DEPDC5: variants seen among roughly 807,000 people sequenced by gnomAD.
The protein encoded by DEPDC5 is DEP domain containing 5, GATOR1 subcomplex subunit.
DEPDC5 carries 73 observed loss-of-function variants against 217.3 expected under a neutral mutation model. The observed-to-expected ratio is 0.34, with a 90% CI of 0.28 to 0.41. The LOEUF is 0.41. Ranked by LOEUF, DEPDC5 falls within the 10% of genes least tolerant of loss-of-function variation. The pLI is 1.00. For synonymous variants in DEPDC5, 733 were observed against 756.7 expected, an observed-to-expected ratio of 0.97 and a Z score of 0.51; for missense variants, 1,675 against 2,070.1, an observed-to-expected ratio of 0.81 and a Z score of 3.70.
At chr22:31,843,279 G>A in intron 28 of DEPDC5, 67 bp downstream of exon 28, 2 of 1,460,082 alleles carry the variant, frequency 1.4e-6, no homozygotes, top group Non-Finnish European at 1.9e-6. Flanking sequence ...TAAATTGTGT[G>A]TATAGTACAT....
intron 20 of DEPDC5, among the ~76,000 whole-genome samples, chr22:31,812,672 C>T (rs2088551969): frequency 1.4e-5 from 2 of 148,060 alleles, no homozygotes; most frequent in African/African-American, 4.9e-5. Context: ...GATACGCACA[C>T]CTCAGCCTCC....
chr22:31,835,231 G>T (rs79492124), intron 25 of DEPDC5, among the ~76,000 whole-genome samples: 2,586 of 152,310 alleles, frequency 0.017, 79 homozygotes, highest in African/African-American at 0.06. Context: ...ATGGTTGGCA[G>T]ATTGACTATT....
chr22:31,897,388 G>A, intron 39 of DEPDC5, 94 bp from the exon 40 acceptor site: 2 of 1,473,500 alleles, frequency 1.4e-6, no homozygotes, highest in Non-Finnish European at 1.8e-6. Flanking sequence ...CAATATGCAT[G>A]CTGCCTTTCT....
chr22:31,755,083 C>T, intron 2 of DEPDC5, 104 bp downstream of exon 2: 1 of 1,351,892 alleles, frequency 7.4e-7, no homozygotes, highest in Non-Finnish European at 1.0e-6. Context: ...TGAGGCTAAA[C>T]AGGCGACTAA....
intron 7 of DEPDC5, among the ~76,000 whole-genome samples, chr22:31,776,651 A>G (rs2083889047): frequency 7.7e-6 from 1 of 129,566 alleles, no homozygotes; most frequent in African/African-American, 3.0e-5. Flanking sequence ...ATCTTGGCTT[A>G]CTGCAATCTC....
At chr22:31,831,579 A>G (rs1182494482) in intron 24 of DEPDC5, among the ~76,000 whole-genome samples, 1 of 151,704 alleles carries the variant, frequency 6.6e-6, no homozygotes, top group Admixed American at 6.6e-5. Flanking sequence ...TTCTGCCTCA[A>G]CCTCCCGAGT....
At position 31,801,154 on chromosome 22, in the gene DEPDC5, GGCATGGTGGT is replaced by G. The variant is rs2086831433; in HGVS notation, c.947-1544_947-1535del. Among the ~76,000 whole-genome samples the G allele has an allele frequency of 2.6e-5, 4 of 151,202 alleles. No homozygotes were observed. In the East Asian group the frequency reaches 5.9e-4, roughly 22 times the overall value. On this transcript the variant is annotated intron_variant, in intron 14 of 42. Coordinates refer to ENST00000651528, the MANE Select transcript of DEPDC5 (RefSeq NM_001242896.3). ...CTAAAAATACATAAAAAACTTGCCA[GGCATGGTGGT>G]GCATGCCTGTCATACCAGCTACTTG...
At chr22:31,775,987 G>A (rs183481963) in intron 7 of DEPDC5, among the ~76,000 whole-genome samples, 2 of 146,558 alleles carry the variant, frequency 1.4e-5, no homozygotes, top group African/African-American at 5.1e-5. Flanking sequence ...GTTGCAGTGA[G>A]CTGAGATCGC....
chr22:31,798,516 T>G, intron 13 of DEPDC5, 66 bp from the exon 14 acceptor site: 1 of 1,456,816 alleles, frequency 6.9e-7, no homozygotes, highest in Non-Finnish European at 9.4e-7. Context: ...AGGCTTCGTT[T>G]AAAATTAAAA....
rs889951951 is a variant in DEPDC5, at chr22:31,828,466, A to C, written c.2105-5449A>C. The stretch of plus-strand genomic sequence containing the variant: ...AAACTCCGTCTCAAAAAAAAAAAAA[A>C]AAAAAAAACAGTTCCTGGCACATAA... On this transcript the variant is annotated intron_variant, in intron 24 of 42. Transcript: ENST00000651528. Among the ~76,000 whole-genome samples, 13 of 152,058 alleles carry C rather than the reference A, an allele frequency of 8.5e-5. 1 individual carries two copies. Among genetic ancestry groups the C allele is most frequent in the African/African-American group, 3.1e-4 (13 of 41,482 alleles).
At chr22:31,887,704 T>C (rs2093349093) in intron 38 of DEPDC5, among the ~76,000 whole-genome samples, 1 of 152,142 alleles carries the variant, frequency 6.6e-6, no homozygotes, top group African/African-American at 2.4e-5. Context: ...CCAAAAGAAA[T>C]GGGTTTCTTT....
rs750936617 is a variant in DEPDC5, at chr22:31,879,629, G to T, written c.3910G>T (p.Val1304Leu). ...FEVAFVAEEL[V>L]HSEIPAFLLP... Reference sequence around the variant, plus strand: ...GGTGGCCTTTGTGGCAGAAGAGCTCGTGCACTCTGAGATTCCTGCCTTTCT... The same window carrying T: ...GGTGGCCTTTGTGGCAGAAGAGCTCTTGCACTCTGAGATTCCTGCCTTTCT... Residue 1304 changes from valine (V) to leucine (L), a missense_variant, in exon 38 of 43, where the codon GTG becomes TTG. Physicochemically the swap from Val to Leu is conservative, Grantham distance 32. Around this residue, in one of 11 missense-constraint regions of DEPDC5, gnomAD observed 194 missense variants for 199.3 expected, o/e 0.97. Transcript: ENST00000651528. The T allele has an allele frequency of 1.9e-6, 3 of 1,614,012 alleles. No individual in the cohort carries two copies. The South Asian group carries it at 3.3e-5, about 18-fold the overall frequency.
At chr22:31,826,082 C>G (rs1275418071) in intron 24 of DEPDC5, among the ~76,000 whole-genome samples, 2 of 152,024 alleles carry the variant, frequency 1.3e-5, no homozygotes, top group Non-Finnish European at 2.9e-5. Flanking sequence ...TCTCAGCTCT[C>G]TGCAACCTCT....
chr22:31,754,499 A>G (rs1601545882), intron 1 of DEPDC5, among the ~76,000 whole-genome samples: 1 of 152,242 alleles, frequency 6.6e-6, no homozygotes, highest in East Asian at 1.9e-4. Flanking sequence ...TCACACTTTC[A>G]TCATCTACAA....
At chr22:31,900,301 C>T (rs1696466484) in intron 40 of DEPDC5, among the ~76,000 whole-genome samples, 1 of 152,028 alleles carries the variant, frequency 6.6e-6, no homozygotes, top group South Asian at 2.1e-4. Flanking sequence ...CCCACCTCAG[C>T]CTCCCAAAGT....
chr22:31,870,447 A>G (rs1602587232), intron 33 of DEPDC5, 143 bp from the exon 34 acceptor site: 1 of 906,870 alleles, frequency 1.1e-6, no homozygotes. Context: ...GGTAGTGGGA[A>G]TGAGCAGAAT....
At chr22:31,774,081 A>G (rs1309441082) in intron 7 of DEPDC5, among the ~76,000 whole-genome samples, 2 of 152,166 alleles carry the variant, frequency 1.3e-5, no homozygotes, top group Non-Finnish European at 2.9e-5. Context: ...CAAAAAAACA[A>G]AACAAAACAA....
chr22:31,755,088 GA>G (rs1433700333), intron 2 of DEPDC5, 109 bp downstream of exon 2: 1 of 1,204,816 alleles, frequency 8.3e-7, no homozygotes, highest in Non-Finnish European at 1.2e-6. Flanking sequence ...CTAAACAGGC[GA>G]CTAAACAGAC....
chr22:31,785,453 A>G (rs949631268), intron 10 of DEPDC5, among the ~76,000 whole-genome samples: 4 of 152,198 alleles, frequency 2.6e-5, no homozygotes, highest in Admixed American at 2.0e-4. Context: ...AACACTGTGA[A>G]AGGAGTTAAT....
Sources: allele counts gnomAD v4.1 joint callset (sites outside exome capture counted in the v4.1 genomes callset), GRCh38; gene constraint gnomAD v4.1.1; regional missense constraint gnomAD v4.1.1; transcripts MANE v1.5; gene names NCBI Gene and HGNC (gene_info 2026-07-23, HGNC 2026-07-21).